DPP9: variants seen among roughly 807,000 people sequenced by gnomAD.
The protein encoded by DPP9 is dipeptidyl peptidase 9.
In DPP9, 50 loss-of-function variants were observed where a neutral mutation model predicts 110.7. That is an observed-to-expected ratio of 0.45 (90% CI 0.36 to 0.57). DPP9 has a LOEUF of 0.57. DPP9 is among the 20% of genes least tolerant of loss of function. The pLI, the probability that DPP9 is intolerant of heterozygous loss-of-function variation, is 0.00. For missense variants in DPP9, 1,022 were observed against 1,217.9 expected, an observed-to-expected ratio of 0.84 and a Z score of 2.39; for synonymous variants, 561 against 514.4, an observed-to-expected ratio of 1.09 and a Z score of -1.23.
chr19:4,711,946 C>T (rs1012622153), intron 4 of DPP9, among the ~76,000 whole-genome samples: 9 of 152,080 alleles, frequency 5.9e-5, no homozygotes, highest in Non-Finnish European at 8.8e-5. Flanking sequence ...GACTGGTTCT[C>T]CTCTGGAGCC....
In DPP9 at chr19:4,698,801, C is replaced by T. The variant is rs1048428924; in HGVS notation, c.1075-1150G>A. Among the ~76,000 whole-genome samples the T allele has an allele frequency of 5.3e-5, 8 of 152,110 alleles. No individual in the cohort carries two copies. The highest frequency in any genetic ancestry group is 3.9e-4 in the East Asian group (2 of 5,190). On this transcript the variant is annotated intron_variant, in intron 10 of 21. Coordinates refer to ENST00000262960, the MANE Select transcript of DPP9 (RefSeq NM_139159.5). The surrounding 1 kb of genome is among the most constrained non-coding windows in gnomAD (Gnocchi z 4.2). ...AACCCCAGCCTGGAAGGAGGTTTCA[C>T]GTGCATCACTGGCAAAGCCACTCAG...
intron 7 of DPP9, among the ~76,000 whole-genome samples, chr19:4,703,600 C>T (rs1470952093): frequency 4.0e-5 from 6 of 151,672 alleles, no homozygotes; most frequent in Non-Finnish European, 7.4e-5. Flanking sequence ...CATACCACTG[C>T]AGTCCACCTG....
At chr19:4,701,104 C>T (rs922338079) in intron 9 of DPP9, among the ~76,000 whole-genome samples, 8 of 152,120 alleles carry the variant, frequency 5.3e-5, no homozygotes, top group Admixed American at 2.6e-4. Context: ...AAGGCCTGAA[C>T]GCGGAATCTG....
Position 4,695,863 on chromosome 19 carries a change from T to C in DPP9, c.1176-308A>G, listed in dbSNP as rs1183630879. 6.6e-6 allele frequency among the ~76,000 whole-genome samples: 1 copy of C among 152,226 alleles called. No homozygotes were observed. Among genetic ancestry groups the C allele is most frequent in the Non-Finnish European group, 1.5e-5 (1 of 68,046 alleles). On this transcript the variant is annotated intron_variant, in intron 11 of 21. Transcript: ENST00000262960. This position sits in a 1 kb window ranked among gnomAD's most constrained non-coding sequence, Gnocchi z 4.7. The stretch of plus-strand genomic sequence containing the variant: ...CACTGACTCTTCGGCCCACAGTCGC[T>C]ATCCTTTATTTCGTAGTTTGCTTTA...
Position 4,694,626 on chromosome 19 carries a change from C to T in DPP9, c.1516+35G>A, listed in dbSNP as rs771060026. 2.0e-5 allele frequency: 32 copies of T among 1,596,066 alleles called. No homozygotes were observed. The highest frequency in any genetic ancestry group is 1.7e-4 in the Middle Eastern group (1 of 6,060). ...CATATTGAACCACACGTGACTAACG[C>T]GATGAGTCGACAGCATTCGTCAGGC... is the stretch of plus-strand genomic sequence containing the variant. On this transcript the variant is annotated intron_variant, in intron 13 of 21. Coordinates refer to ENST00000262960, the MANE Select transcript of DPP9 (RefSeq NM_139159.5). This position sits in a 1 kb window ranked among gnomAD's most constrained non-coding sequence, Gnocchi z 4.0.
At chr19:4,683,874 G>A in intron 18 of DPP9, 1 of 1,479,166 alleles carries the variant, frequency 6.8e-7, no homozygotes, top group Non-Finnish European at 9.1e-7. Context: ...CCCCTCTGAG[G>A]GCGTCAGTTT....
intron 10 of DPP9, 111 bp from the exon 11 acceptor site, chr19:4,697,762 A>G: frequency 2.4e-6 from 2 of 827,226 alleles, no homozygotes; most frequent in Non-Finnish European, 3.8e-6. Context: ...CATATGCTGG[A>G]GTCTCAGCCC....
chr19:4,678,968 CGA>C (rs974913214), intron 21 of DPP9, among the ~76,000 whole-genome samples: 1 of 152,086 alleles, frequency 6.6e-6, no homozygotes, highest in Non-Finnish European at 1.5e-5. Flanking sequence ...CTCACAAGCC[CGA>C]GTCACCTCCC....
At chr19:4,696,981 C>A (rs2091857649) in intron 11 of DPP9, among the ~76,000 whole-genome samples, 1 of 151,934 alleles carries the variant, frequency 6.6e-6, no homozygotes, top group South Asian at 2.1e-4. Context: ...TACCTATAGT[C>A]CCCTCTACTC....
In DPP9 at chr19:4,705,975, A is replaced by G. The variant is rs1441627638; in HGVS notation, c.314-5T>C. On this transcript the variant is annotated splice_region_variant and splice_polypyrimidine_tract_variant and intron_variant, in intron 4 of 21. Coordinates refer to ENST00000262960, the MANE Select transcript of DPP9 (RefSeq NM_139159.5). ...CTCGGCTGCCATATGGCATTCCTAAAGGGAGAAAGGAAACACCCAGAACGG... is the reference window on the plus strand; with the variant it reads ...CTCGGCTGCCATATGGCATTCCTAAGGGGAGAAAGGAAACACCCAGAACGG... 1 of 1,612,492 alleles carries G rather than the reference A, an allele frequency of 6.2e-7. No homozygotes were observed. Among genetic ancestry groups the G allele is most frequent in the Non-Finnish European group, 8.5e-7 (1 of 1,178,864 alleles).
intron 20 of DPP9, among the ~76,000 whole-genome samples, chr19:4,681,036 C>T (rs945189537): frequency 7.2e-5 from 11 of 152,196 alleles, no homozygotes; most frequent in South Asian, 2.1e-4. Flanking sequence ...GAGGCCAACA[C>T]GCAGCCTCAC....
chr19:4,710,195 C>T lies in DPP9; in HGVS notation c.313+3886G>A, dbSNP rs1047149380. On this transcript the variant is annotated intron_variant, in intron 4 of 21. Transcript: ENST00000262960. The surrounding 1 kb of genome is among the most constrained non-coding windows in gnomAD (Gnocchi z 5.6). ...CCAGGCCTGCGCAAACACCATTTCC[C>T]GTCACTGCACGCTGTGGCCTCGAGT... Among the ~76,000 whole-genome samples, 8 of 152,232 alleles carry T rather than the reference C, an allele frequency of 5.3e-5. No homozygotes were observed. The highest frequency in any genetic ancestry group is 1.9e-4 in the East Asian group (1 of 5,192).
intron 4 of DPP9, among the ~76,000 whole-genome samples, chr19:4,707,029 G>A (rs2092619029): frequency 6.6e-6 from 1 of 152,138 alleles, no homozygotes; most frequent in African/African-American, 2.4e-5. Context: ...TCCCCTGCAG[G>A]GGCAGAATCA....
intron 16 of DPP9, among the ~76,000 whole-genome samples, chr19:4,686,738 A>G (rs2090773783): frequency 6.6e-6 from 1 of 152,114 alleles, no homozygotes; most frequent in Admixed American, 6.6e-5. Flanking sequence ...ATGTAGGTAA[A>G]TTTTGGTGGG....
chr19:4,714,046 G>A, intron 4 of DPP9, 35 bp downstream of exon 4: 2 of 1,581,376 alleles, frequency 1.3e-6, no homozygotes, highest in South Asian at 1.2e-5. Flanking sequence ...CCCAGATGCT[G>A]TCCCCGCCCA....
intron 7 of DPP9, 127 bp from the exon 8 acceptor site, chr19:4,702,843 GGAGGGA>G: frequency 8.4e-6 from 1 of 118,898 alleles, no homozygotes; most frequent in Non-Finnish European, 1.8e-5. Context: ...AAGGAGAGGG[GGAGGGA>G]GAGGGAGGGA....
intron 13 of DPP9, among the ~76,000 whole-genome samples, chr19:4,691,980 C>CT (rs1300324583): frequency 6.6e-6 from 1 of 151,828 alleles, no homozygotes; most frequent in Non-Finnish European, 1.5e-5. Context: ...GCCTGGCCGA[C>CT]TTTTTTTGTG....
Position 4,695,633 on chromosome 19 carries a change from G to T in DPP9, c.1176-78C>A. The T allele has an allele frequency of 7.7e-7, 1 of 1,297,380 alleles. No homozygotes were observed. The highest frequency in any genetic ancestry group is 1.0e-6 in the Non-Finnish European group (1 of 977,516). The allele number at this position is 1,297,380 out of a possible 1,614,324, so 80.4% of individuals were successfully genotyped here. On this transcript the variant is annotated intron_variant, in intron 11 of 21. Transcript: ENST00000262960. This position sits in a 1 kb window ranked among gnomAD's most constrained non-coding sequence, Gnocchi z 4.7. ...CCTGCACAGAGAAGCTGGGGACGCA[G>T]CGTCCAAACCCGTGTGGAATCAGGG...
chr19:4,707,614 CTTTTTTTTT>C (rs906371157), intron 4 of DPP9, among the ~76,000 whole-genome samples: 40 of 78,434 alleles, frequency 5.1e-4, no homozygotes, highest in African/African-American at 1.2e-3. Context: ...CTCATACTCG[CTTTTTTTTT>C]TTTTTTTTTT....
Sources: gnomAD v4.1 joint callset for allele counts (sites outside exome capture counted in the v4.1 genomes callset) on GRCh38, gnomAD v4.1.1 for gene constraint, Gnocchi (gnomAD v3.1) non-coding constraint, MANE v1.5 for transcripts, NCBI Gene and HGNC (gene_info 2026-07-23, HGNC 2026-07-21) for gene names.